TDRD12: variants seen among roughly 807,000 people sequenced by gnomAD.
TDRD12 encodes the protein tudor domain containing 12.
TDRD12 carries 158 observed loss-of-function variants against 133.5 expected under a neutral mutation model. That is an observed-to-expected ratio of 1.18 (90% confidence interval 1.04 to 1.35). TDRD12 has a LOEUF of 1.35. TDRD12 is among the 40% of genes most tolerant of loss of function. TDRD12 has a pLI of 0.00. For missense variants in TDRD12, 1,443 were observed against 1,321.3 expected (o/e 1.09, Z -1.43); for synonymous variants, 460 against 477.9 (o/e 0.96, Z 0.49).
At chr19:32,783,280 G>A (rs1287928131) in intron 11 of TDRD12, among the ~76,000 whole-genome samples, 1 of 152,156 alleles carries the variant, frequency 6.6e-6, no homozygotes, top group Admixed American at 6.5e-5. Context: ...CGGTAGATGT[G>A]TGGCGTTATT....
At chr19:32,721,669 C>T (rs537820565) in intron 1 of TDRD12, among the ~76,000 whole-genome samples, 170 of 145,732 alleles carry the variant, frequency 1.2e-3, no homozygotes, top group Non-Finnish European at 2.0e-3. Flanking sequence ...CGTGAGCCAC[C>T]GTGCCTGGCC....
intron 6 of TDRD12, among the ~76,000 whole-genome samples, chr19:32,751,169 A>G (rs1378755237): frequency 7.9e-6 from 1 of 127,080 alleles, no homozygotes; most frequent in African/African-American, 3.1e-5. Flanking sequence ...TGTTCTCATC[A>G]TTTAGCTGCC....
chr19:32,802,585 G>T (rs899888794), intron 19 of TDRD12, 71 bp from the exon 20 acceptor site: 2 of 1,492,024 alleles, frequency 1.3e-6, no homozygotes, highest in East Asian at 5.0e-5. Context: ...CAGTGTGGCC[G>T]TGGGAACTGC....
chr19:32,828,727 A>C (rs1319294746), exon 10 of TDRD12: 4 of 152,198 alleles, frequency 2.6e-5, no homozygotes, highest in African/African-American at 9.7e-5. Context: ...GCAGGTCTGG[A>C]TCACACTCTG....
At chr19:32,752,158 G>A (rs1969848894) in intron 6 of TDRD12, among the ~76,000 whole-genome samples, 2 of 151,762 alleles carry the variant, frequency 1.3e-5, no homozygotes, top group African/African-American at 2.4e-5. Flanking sequence ...ACAGGCATTA[G>A]CCATCACACC....
At chr19:32,784,249 A>G (rs1970845578) in intron 11 of TDRD12, among the ~76,000 whole-genome samples, 1 of 152,086 alleles carries the variant, frequency 6.6e-6, no homozygotes, top group South Asian at 2.1e-4. Flanking sequence ...TGAGATAGTC[A>G]TGTGGTTTTT....
At chr19:32,803,752 G>A (rs1448964295) in intron 21 of TDRD12, among the ~76,000 whole-genome samples, 5 of 152,204 alleles carry the variant, frequency 3.3e-5, no homozygotes, top group Admixed American at 2.0e-4. Context: ...AGCGCTTAGT[G>A]TTGGTGGAGG....
At chr19:32,741,371 T>C (rs986310211) in intron 3 of TDRD12, among the ~76,000 whole-genome samples, 2 of 152,168 alleles carry the variant, frequency 1.3e-5, no homozygotes, top group Non-Finnish European at 2.9e-5. Flanking sequence ...CGTGAGCCAC[T>C]GCGCCAGCCA....
At chr19:32,733,952 C>T (rs968514955) in intron 2 of TDRD12, among the ~76,000 whole-genome samples, 6 of 149,180 alleles carry the variant, frequency 4.0e-5, no homozygotes, top group Non-Finnish European at 5.9e-5. Flanking sequence ...AGTACAGTGG[C>T]GCCATCTCTG....
chr19:32,755,943 G>A lies in TDRD12; in HGVS notation c.583-49G>A, dbSNP rs58721340. On this transcript the variant is annotated intron_variant, in intron 6 of 27. Transcript: ENST00000444215. Reference sequence around the variant, plus strand: ...AGTTTGGAATATTTCCTTTAAAATCGCTTGACTATATTTGTCTTATTAGTC... The same window carrying A: ...AGTTTGGAATATTTCCTTTAAAATCACTTGACTATATTTGTCTTATTAGTC... The A allele has an allele frequency of 1.5e-4, 189 of 1,279,120 alleles. 1 individual carries two copies. In the East Asian group the frequency reaches 4.1e-3, roughly 28 times the overall value. 79.2% of individuals were successfully genotyped at this position (1,279,120 alleles called of 1,614,324 possible). A position where few individuals can be genotyped will look rare whatever the true frequency, so the allele number is the denominator to read the frequency against.
In TDRD12 at chr19:32,742,843, A is replaced by G. The variant is rs775908730; in HGVS notation, c.383A>G (p.Tyr128Cys). 6.4e-7 allele frequency: 1 copy of G among 1,551,892 alleles called. No individual in the cohort carries two copies. Among genetic ancestry groups the G allele is most frequent in the Non-Finnish European group, 8.7e-7 (1 of 1,147,046 alleles). The change falls in exon 4 of 28, where the codon TAC becomes TGC. Residue 128 changes from tyrosine to cysteine, a missense_variant. By Grantham distance (194) the Tyr-to-Cys change is radical. Transcript: ENST00000444215. The stretch of plus-strand genomic sequence containing the variant: ...TATAGAGCAAAAAAATTCAGCCTGT[A>G]CTGCACAAAGCCTGTCACATTACAC...
intron 11 of TDRD12, among the ~76,000 whole-genome samples, chr19:32,787,829 T>C (rs1285446490): frequency 6.6e-6 from 1 of 152,164 alleles, no homozygotes; most frequent in Non-Finnish European, 1.5e-5. Context: ...ATACTGCTCC[T>C]CCAGGTACAG....
chr19:32,827,893 C>T (rs1967644913), exon 10 of TDRD12: 1 of 152,214 alleles, frequency 6.6e-6, no homozygotes, highest in African/African-American at 2.4e-5. Flanking sequence ...GCAGAGCAGA[C>T]ATGCATCTGG....
At chr19:32,762,356 A>G (rs1970174062) in intron 8 of TDRD12, among the ~76,000 whole-genome samples, 1 of 152,036 alleles carries the variant, frequency 6.6e-6, no homozygotes, top group Non-Finnish European at 1.5e-5. Flanking sequence ...GATTTTTGTG[A>G]AGGGTGTAAG....
intron 21 of TDRD12, among the ~76,000 whole-genome samples, chr19:32,805,146 A>G (rs994563808): frequency 2.0e-5 from 3 of 146,382 alleles, no homozygotes; most frequent in African/African-American, 7.5e-5. Flanking sequence ...AAATATATAT[A>G]TGTGTATTAT....
chr19:32,726,973 T>C (rs1470526858), intron 1 of TDRD12, among the ~76,000 whole-genome samples: 2 of 152,208 alleles, frequency 1.3e-5, no homozygotes, highest in African/African-American at 2.4e-5. Context: ...TGCTGCATTA[T>C]ATGGTAATTA....
chr19:32,737,100 A>G (rs191480768), intron 2 of TDRD12, among the ~76,000 whole-genome samples: 21 of 152,336 alleles, frequency 1.4e-4, no homozygotes, highest in African/African-American at 5.0e-4. Flanking sequence ...TGAATACTGC[A>G]CATTATGTAA....
chr19:32,772,708 A>G (rs1416179742), intron 8 of TDRD12, 45 bp from the exon 9 acceptor site: 1 of 1,147,678 alleles, frequency 8.7e-7, no homozygotes, highest in Non-Finnish European at 1.2e-6. Flanking sequence ...TTCTATTAAT[A>G]TCACTTTTTG....
intron 8 of TDRD12, among the ~76,000 whole-genome samples, chr19:32,769,301 T>A (rs1185905787): frequency 6.6e-6 from 1 of 152,176 alleles, no homozygotes; most frequent in African/African-American, 2.4e-5. Context: ...GGGTCAGGAT[T>A]TGGTTTTGTT....
Sources: gnomAD v4.1 joint callset for allele counts (sites outside exome capture counted in the v4.1 genomes callset) on GRCh38, gnomAD v4.1.1 for gene constraint, MANE v1.5 for transcripts, NCBI Gene and HGNC (gene_info 2026-07-23, HGNC 2026-07-21) for gene names.